Variants in CAD observed in about 807,000 individuals in gnomAD.
CAD encodes the protein carbamoyl-phosphate synthetase 2, aspartate transcarbamylase, and dihydroorotase.
A neutral mutation model predicts 237.2 loss-of-function variants in CAD; 81 were observed. The ratio of observed to expected loss-of-function variants is 0.34; its 90% CI spans 0.29 to 0.41. CAD has a LOEUF of 0.41. CAD is among the 10% of genes least tolerant of loss of function. The pLI is 1.00. For missense variants in CAD, 2,181 were observed against 2,951.7 expected, an observed-to-expected ratio of 0.74 and a Z score of 6.05; for synonymous variants, 1,196 against 1,162.8, an observed-to-expected ratio of 1.03 and a Z score of -0.58.
At chr2:27,224,643 G>A in intron 9 of CAD, 102 bp from the exon 10 acceptor site, 2 of 1,547,250 alleles carry the variant, frequency 1.3e-6, no homozygotes, top group South Asian at 1.2e-5. Flanking sequence ...ATTATTAGGG[G>A]CCAAGAGTAC....
chr2:27,238,337 A>T, intron 30 of CAD, 94 bp from the exon 31 acceptor site: 1 of 1,459,564 alleles, frequency 6.9e-7, no homozygotes, highest in Non-Finnish European at 9.3e-7. Context: ...GGTCTACATC[A>T]TCATTTTTTG....
chr2:27,223,878 G>C, intron 7 of CAD, 39 bp from the exon 8 acceptor site: 2 of 1,559,470 alleles, frequency 1.3e-6, no homozygotes, highest in Non-Finnish European at 1.8e-6. Context: ...TGTCATGCCA[G>C]GGACCATGAT....
At chr2:27,223,799 A>G (rs1675296978) in intron 7 of CAD, 51 bp downstream of exon 7, 1 of 1,599,396 alleles carries the variant, frequency 6.3e-7, no homozygotes, top group African/African-American at 1.3e-5. Flanking sequence ...GTGGGCCTTG[A>G]TGATGGAAAA....
chr2:27,218,700 C>T (rs1675000578), intron 2 of CAD, among the ~76,000 whole-genome samples: 1 of 152,018 alleles, frequency 6.6e-6, no homozygotes, highest in Non-Finnish European at 1.5e-5. Context: ...GTGAGGTTTC[C>T]CCTATTCCTT....
In CAD at chr2:27,239,185, C is replaced by T; in HGVS notation, c.5206C>T (p.Pro1736Ser). The change falls in exon 32 of 44, where the codon CCT becomes TCT. Residue 1736 changes from proline (P) to serine (S), a missense_variant. Around this residue, in one of 12 missense-constraint regions of CAD, gnomAD observed 478 missense variants for 515.0 expected, o/e 0.93. Coordinates refer to ENST00000264705, the MANE Select transcript of CAD (RefSeq NM_004341.5). This position sits in a 1 kb window ranked among gnomAD's most constrained non-coding sequence, Gnocchi z 4.0. ...DDLLQRLHHNPRRIFHLPPQE... is the reference protein window; with the variant it reads ...DDLLQRLHHNSRRIFHLPPQE... ...CCTGCTGCAGCGATTGCACCACAAT[C>T]CTCGGCGCATCTTTCACCTGCCCCC... 1 of 1,611,462 alleles carries T rather than the reference C, an allele frequency of 6.2e-7. No homozygotes were observed. The highest frequency in any genetic ancestry group is 8.5e-7 in the Non-Finnish European group (1 of 1,178,556).
rs889407493 is a variant in CAD, at chr2:27,217,938, G to A, written c.144G>A (p.Gln48=). The A allele has an allele frequency of 2.5e-6, 4 of 1,613,330 alleles. No homozygotes were observed. The African/African-American group carries it at 4.0e-5, about 16-fold the overall frequency. Reference sequence around the variant, plus strand: ...TCACTGATCCCTCCTACAAGGCACAGATCTTAGTGCTCACCTATCCTCTGA... The same window carrying A: ...TCACTGATCCCTCCTACAAGGCACAAATCTTAGTGCTCACCTATCCTCTGA... ...EALTDPSYKA[Q]ILVLTYPLIG... The change falls in exon 2 of 44, where the codon CAG becomes CAA. Residue 48 remains glutamine (Q), a synonymous_variant. Coordinates refer to ENST00000264705, the MANE Select transcript of CAD (RefSeq NM_004341.5).
At position 27,221,351 on chromosome 2, in the gene CAD, T is replaced by A; in HGVS notation, c.352+4T>A. 6.4e-7 allele frequency: 1 copy of A among 1,561,290 alleles called. No homozygotes were observed. On this transcript the variant is annotated splice_donor_region_variant and intron_variant, in intron 3 of 43. Transcript: ENST00000264705. ...CATGGCATCCCTGGCTTGCAAGGTA[T>A]GGTGGCAAGCAGGGGCATATTTGGG... is the stretch of plus-strand genomic sequence containing the variant.
Position 27,240,831 on chromosome 2 carries a change from A to G in CAD, c.5594-80A>G. 1.3e-6 allele frequency: 2 copies of G among 1,497,804 alleles called. No individual in the cohort carries two copies. Among genetic ancestry groups the G allele is most frequent in the South Asian group, 2.3e-5 (2 of 87,434 alleles). The allele number at this position is 1,497,804 out of a possible 1,614,324, so 92.8% of individuals were successfully genotyped here. A position where few individuals can be genotyped will look rare whatever the true frequency, so the allele number is the denominator to read the frequency against. ...GAATTGGTTTAACATATACACTGTG[A>G]TTCAGAGTTCCTGGGAATATGGGGT... On this transcript the variant is annotated intron_variant, in intron 35 of 43. Transcript: ENST00000264705. This position sits in a 1 kb window ranked among gnomAD's most constrained non-coding sequence, Gnocchi z 4.6.
Position 27,228,987 on chromosome 2 carries a change from C to T in CAD, c.2287+2025C>T, listed in dbSNP as rs191201653. ...AGGCTGGAGTGCAGTGGTGCTATCT[C>T]GGCTCACTGCAACCTCTGCCTCCCA... On this transcript the variant is annotated intron_variant, in intron 15 of 43. Coordinates refer to ENST00000264705, the MANE Select transcript of CAD (RefSeq NM_004341.5). Among the ~76,000 whole-genome samples, 5 of 145,198 alleles carry T rather than the reference C, an allele frequency of 3.4e-5. No homozygotes were observed. The East Asian group carries it at 6.1e-4, about 18-fold the overall frequency.
At chr2:27,229,108 G>A (rs760459428) in intron 15 of CAD, among the ~76,000 whole-genome samples, 2 of 151,098 alleles carry the variant, frequency 1.3e-5, no homozygotes, top group Non-Finnish European at 2.9e-5. Flanking sequence ...TAGTAGAGAC[G>A]GGGGTTTCAT....
rs1572423248 is a variant in CAD, at chr2:27,222,273, A to G, written c.432A>G (p.Glu144=). The G allele has an allele frequency of 6.2e-7, 1 of 1,613,822 alleles. No individual in the cohort carries two copies. Among genetic ancestry groups the G allele is most frequent in the African/African-American group, 1.3e-5 (1 of 74,860 alleles). The change falls in exon 4 of 44, where the codon GAA becomes GAG. Residue 144 remains glutamate (E), a synonymous_variant. Transcript: ENST00000264705. ...GGAAGCTGGTCCAGAATGGAACAGA[A>G]CCTTCATCCCTGCCATTCTTGGACC... The part of the protein sequence containing the change: ...LLGKLVQNGT[E]PSSLPFLDPN...
Position 27,243,094 on chromosome 2 carries a change from T to C in CAD, c.6481-104T>C, listed in dbSNP as rs769980497. On this transcript the variant is annotated intron_variant, in intron 42 of 43. Coordinates refer to ENST00000264705, the MANE Select transcript of CAD (RefSeq NM_004341.5). Reference sequence around the variant, plus strand: ...TAAACTTCACATCTGTCAATTGCCATAGCTGCATGTGGGTGTGGAGGGGAC... The same window carrying C: ...TAAACTTCACATCTGTCAATTGCCACAGCTGCATGTGGGTGTGGAGGGGAC... 955 of 1,333,530 alleles carry C rather than the reference T, an allele frequency of 7.2e-4. 1 individual carries two copies. The highest frequency in any genetic ancestry group is 7.9e-4 in the Non-Finnish European group (743 of 938,892). 82.6% of individuals were successfully genotyped at this position (1,333,530 alleles called of 1,614,324 possible).
At chr2:27,231,829 G>T (rs1250897123) in intron 16 of CAD, 151 bp from the exon 17 acceptor site, 1 of 859,010 alleles carries the variant, frequency 1.2e-6, no homozygotes, top group Non-Finnish European at 1.8e-6. Context: ...CCAATGAGAG[G>T]TAGACCCAGG....
In CAD at chr2:27,235,273, C is replaced by CG; in HGVS notation, c.3818dup (p.Ala1274CysfsTer2). On this transcript the variant is annotated frameshift_variant, in exon 24 of 44. Transcript: ENST00000264705. LOFTEE classifies it high-confidence loss of function. The surrounding 1 kb of genome is among the most constrained non-coding windows in gnomAD (Gnocchi z 5.2). ...CCTCAGTTCTCCTTCTCCCGCTTGG[C>CG]GGGTGCTGACGTGGTGTTGGGTGTG... 2 of 1,610,910 alleles carry CG rather than the reference C, an allele frequency of 1.2e-6. No individual in the cohort carries two copies. The highest frequency in any genetic ancestry group is 1.7e-6 in the Non-Finnish European group (2 of 1,178,656).
intron 5 of CAD, 98 bp from the exon 6 acceptor site, chr2:27,222,768 A>T: frequency 6.4e-7 from 1 of 1,572,380 alleles, no homozygotes; most frequent in Non-Finnish European, 8.7e-7. Flanking sequence ...AAGAAGATAG[A>T]CATTGGGACT....
chr2:27,224,021 GC>G lies in CAD; in HGVS notation c.1102del (p.Gln368ArgfsTer7), dbSNP rs1558529417. On this transcript the variant is annotated frameshift_variant, in exon 8 of 44. Transcript: ENST00000264705. LOFTEE classifies it high-confidence loss of function. ...GAGGCCACAGCTGGGAACCCTGGGG[GC>G]CAGACAGGTAAGATCCTGAGTAGAA... is the stretch of plus-strand genomic sequence containing the variant. ...VKEATAGNPG[G>X]QTVRERLTER... is the part of the protein sequence containing the mutation. The G allele has an allele frequency of 4.3e-6, 7 of 1,610,250 alleles. No homozygotes were observed. Among genetic ancestry groups the G allele is most frequent in the Non-Finnish European group, 5.1e-6 (6 of 1,176,446 alleles).
chr2:27,227,766 GTCT>G (rs769224707), intron 15 of CAD, among the ~76,000 whole-genome samples: 4 of 152,188 alleles, frequency 2.6e-5, no homozygotes, highest in African/African-American at 7.2e-5. Flanking sequence ...TTGGAATGTG[GTCT>G]TCTTTGGTAA....
rs779602369 is a variant in CAD, at chr2:27,241,874, A to T, written c.5884-37A>T. ...TAGCTGGGGTTTCCCCAGGGTGGACACGCATACGTACACCTTCCATCTTGC... is the reference window on the plus strand; with the variant it reads ...TAGCTGGGGTTTCCCCAGGGTGGACTCGCATACGTACACCTTCCATCTTGC... On this transcript the variant is annotated intron_variant, in intron 38 of 43. Transcript: ENST00000264705. The surrounding 1 kb of genome is among the most constrained non-coding windows in gnomAD (Gnocchi z 4.6). The T allele has an allele frequency of 6.5e-7, 1 of 1,550,206 alleles. No homozygotes were observed. Among genetic ancestry groups the T allele is most frequent in the South Asian group, 1.1e-5 (1 of 89,010 alleles).
At chr2:27,225,308 T>C (rs1041865049) in intron 11 of CAD, 65 bp downstream of exon 11, 124 of 905,816 alleles carry the variant, frequency 1.4e-4, no homozygotes, top group African/African-American at 7.6e-4. Flanking sequence ...ATTTTCTTTT[T>C]TTTTTTTTTT....
Sources: gnomAD v4.1 joint callset for allele counts (sites outside exome capture counted in the v4.1 genomes callset) on GRCh38, gnomAD v4.1.1 for gene constraint, gnomAD v4.1.1 regional missense constraint, Gnocchi (gnomAD v3.1) non-coding constraint, MANE v1.5 for transcripts, NCBI Gene and HGNC (gene_info 2026-07-23, HGNC 2026-07-21) for gene names.